Variants in RBFOX1 observed in about 807,000 individuals in gnomAD.
RBFOX1 encodes RNA binding fox-1 homolog 1.
RBFOX1 carries 8 observed loss-of-function variants against 57.7 expected under a neutral mutation model. That is an observed-to-expected ratio of 0.14 (90% CI 0.08 to 0.25). RBFOX1 has a LOEUF of 0.25. Ranked by LOEUF, RBFOX1 falls within the 10% of genes least tolerant of loss-of-function variation. The pLI is 1.00. For synonymous variants in RBFOX1, 326 were observed against 222.4 expected, an observed-to-expected ratio of 1.47 and a Z score of -4.15; for missense variants, 611 against 548.5, an observed-to-expected ratio of 1.11 and a Z score of -1.14.
At chr16:6,715,334 C>T (rs2064576497) in intron 3 of RBFOX1, among the ~76,000 whole-genome samples, 1 of 151,798 alleles carries the variant, frequency 6.6e-6, no homozygotes, top group Non-Finnish European at 1.5e-5. Context: ...GATTCTGGGA[C>T]CAGGGTGCGG....
chr16:7,462,882 A>G (rs2059832817), intron 4 of RBFOX1, among the ~76,000 whole-genome samples: 1 of 152,214 alleles, frequency 6.6e-6, no homozygotes, highest in African/African-American at 2.4e-5. Context: ...TAGTTGGAGA[A>G]AGTTGTCCAC....
chr16:6,116,510 C>T (rs1468163026), intron 1 of RBFOX1, among the ~76,000 whole-genome samples: 2 of 152,184 alleles, frequency 1.3e-5, no homozygotes, highest in African/African-American at 4.8e-5. Flanking sequence ...GATTTTCTTA[C>T]ATGAATATGA....
At chr16:5,717,847 T>C (rs2051773778) in intron 3 of RBFOX1, among the ~76,000 whole-genome samples, 1 of 152,214 alleles carries the variant, frequency 6.6e-6, no homozygotes, top group Non-Finnish European at 1.5e-5. Context: ...GATAGATAGG[T>C]ATTTTTGACC....
chr16:5,530,328 C>T (rs1327917439), intron 2 of RBFOX1, among the ~76,000 whole-genome samples: 3 of 152,080 alleles, frequency 2.0e-5, no homozygotes, highest in East Asian at 1.9e-4. Flanking sequence ...CTCTTATCGA[C>T]CCTGTGGGGT....
intron 1 of RBFOX1, among the ~76,000 whole-genome samples, chr16:6,037,011 G>A (rs2095374024): frequency 6.6e-6 from 1 of 152,120 alleles, no homozygotes; most frequent in Non-Finnish European, 1.5e-5. Flanking sequence ...GGAGGTGGGG[G>A]GAGACAGGGA....
chr16:6,914,353 G>C (rs555500263), intron 3 of RBFOX1, among the ~76,000 whole-genome samples: 12 of 152,122 alleles, frequency 7.9e-5, no homozygotes, highest in Non-Finnish European at 1.3e-4. Context: ...TTAAATTACA[G>C]GGTCGGCTGA....
chr16:6,800,192 AC>A, intron 3 of RBFOX1, among the ~76,000 whole-genome samples: 1 of 145,936 alleles, frequency 6.9e-6, no homozygotes, highest in African/African-American at 2.8e-5. Context: ...GGTATTGAAA[AC>A]AAGTCTTGCT....
intron 1 of RBFOX1, among the ~76,000 whole-genome samples, chr16:6,260,979 C>T (rs144641736): frequency 3.3e-5 from 5 of 152,274 alleles, no homozygotes; most frequent in East Asian, 3.9e-4. Flanking sequence ...TCCCTCTGGA[C>T]ATGGACAAAA....
At chr16:5,951,749 C>T (rs774392143) in intron 4 of RBFOX1, among the ~76,000 whole-genome samples, 14 of 151,950 alleles carry the variant, frequency 9.2e-5, no homozygotes, top group Non-Finnish European at 1.3e-4. Context: ...ACTTACTGCA[C>T]GTTTGAGTAT....
chr16:6,630,162 GTTAA>G (rs1416099493), intron 2 of RBFOX1, among the ~76,000 whole-genome samples: 6 of 151,976 alleles, frequency 3.9e-5, no homozygotes, highest in Non-Finnish European at 8.8e-5. Context: ...CCTTCACCCA[GTTAA>G]TTAAGTAACT....
chr16:7,657,751 AC>A (rs2066682958), intron 12 of RBFOX1, among the ~76,000 whole-genome samples: 1 of 152,180 alleles, frequency 6.6e-6, no homozygotes, highest in Admixed American at 6.5e-5. Context: ...GGACATTAAC[AC>A]ATGATCATTC....
At chr16:7,494,019 A>G (rs1236656712) in intron 4 of RBFOX1, among the ~76,000 whole-genome samples, 2 of 151,966 alleles carry the variant, frequency 1.3e-5, no homozygotes, top group Admixed American at 6.6e-5. Context: ...ATTTTTTGAG[A>G]TTTTCTTATT....
At chr16:5,470,760 C>T (rs971385369) in intron 2 of RBFOX1, among the ~76,000 whole-genome samples, 2 of 152,156 alleles carry the variant, frequency 1.3e-5, no homozygotes, top group Non-Finnish European at 2.9e-5. Context: ...GTCTGTCCGC[C>T]TCTGCAGCCT....
chr16:7,392,674 T>C (rs949638399), intron 4 of RBFOX1, among the ~76,000 whole-genome samples: 1 of 152,294 alleles, frequency 6.6e-6, no homozygotes, highest in East Asian at 1.9e-4. Context: ...GCCCAAGTCA[T>C]AGTAGCATAA....
At chr16:7,320,549 A>G (rs530215039) in intron 4 of RBFOX1, among the ~76,000 whole-genome samples, 4 of 152,298 alleles carry the variant, frequency 2.6e-5, no homozygotes, top group African/African-American at 9.6e-5. Context: ...TCTTACAACC[A>G]CTTTTGTACT....
chr16:6,321,538 C>G (rs2081792476), intron 2 of RBFOX1, among the ~76,000 whole-genome samples: 1 of 152,192 alleles, frequency 6.6e-6, no homozygotes, highest in Non-Finnish European at 1.5e-5. Context: ...TGCACAATGC[C>G]ACAGCATTCA....
intron 3 of RBFOX1, among the ~76,000 whole-genome samples, chr16:6,984,136 A>G (rs2089676080): frequency 6.6e-6 from 1 of 152,088 alleles, no homozygotes; most frequent in African/African-American, 2.4e-5. Context: ...AATCTCAGCA[A>G]CTTGGGAGGC....
chr16:6,023,272 T>C (rs968375619), intron 1 of RBFOX1, among the ~76,000 whole-genome samples: 2 of 149,688 alleles, frequency 1.3e-5, no homozygotes, highest in Non-Finnish European at 3.0e-5. Flanking sequence ...TGAAGCTATA[T>C]ATATATATAT....
chr16:6,274,146 T>TGAGATATAGTTTACATTAAAGAAAC (rs2075540705), intron 1 of RBFOX1, among the ~76,000 whole-genome samples: 2 of 152,180 alleles, frequency 1.3e-5, no homozygotes, highest in Admixed American at 1.3e-4. Flanking sequence ...AGTGGAGCAG[T>TGAGATATAGTTTACATTAAAGAAAC]TTCTTTAAAT....
Sources: allele counts gnomAD v4.1 joint callset (sites outside exome capture counted in the v4.1 genomes callset), GRCh38; gene constraint gnomAD v4.1.1; transcripts MANE v1.5; gene names NCBI Gene and HGNC (gene_info 2026-07-23, HGNC 2026-07-21).